Variants in ADGRB3 observed in about 807,000 individuals in gnomAD.
ADGRB3 encodes the protein brain-specific angiogenesis inhibitor 3.
Under a neutral mutation model 193.4 loss-of-function variants are expected in ADGRB3, and 37 were observed. The observed-to-expected ratio is 0.19, with a 90% confidence interval of 0.15 to 0.25. The LOEUF is 0.25. Ranked by LOEUF, ADGRB3 falls within the 10% of genes least tolerant of loss-of-function variation. ADGRB3 has a pLI of 1.00. For synonymous variants in ADGRB3, 690 were observed against 644.2 expected, an observed-to-expected ratio of 1.07 and a Z score of -1.08; for missense variants, 1,637 against 1,852.9, an observed-to-expected ratio of 0.88 and a Z score of 2.14.
chr6:69,011,207 G>A (rs890456628), intron 11 of ADGRB3, among the ~76,000 whole-genome samples: 1 of 151,146 alleles, frequency 6.6e-6, no homozygotes, highest in Non-Finnish European at 1.5e-5. Flanking sequence ...GTTAGAGCAA[G>A]GCCAGCTGAA....
At chr6:69,351,270 T>G (rs1769220653) in intron 26 of ADGRB3, among the ~76,000 whole-genome samples, 1 of 151,860 alleles carries the variant, frequency 6.6e-6, no homozygotes, top group Admixed American at 6.6e-5. Flanking sequence ...TTTTTGTATT[T>G]TTTTAGTAGA....
intron 17 of ADGRB3, among the ~76,000 whole-genome samples, chr6:69,113,439 T>G (rs536358586): frequency 6.6e-6 from 1 of 152,234 alleles, no homozygotes; most frequent in East Asian, 1.9e-4. Flanking sequence ...TTAATTTTTA[T>G]GTATTTTTAC....
intron 17 of ADGRB3, among the ~76,000 whole-genome samples, chr6:69,141,119 C>CTT (rs1391159036): frequency 0.012 from 1,454 of 116,706 alleles, 47 homozygotes; most frequent in East Asian, 0.1. Context: ...ATATTTCTTT[C>CTT]TTTTTTTTTG....
chr6:69,008,631 A>G (rs942783190), intron 11 of ADGRB3, among the ~76,000 whole-genome samples: 17 of 152,114 alleles, frequency 1.1e-4, no homozygotes, highest in African/African-American at 3.9e-4. Context: ...GTAGTGATGC[A>G]TAGGGAGAGT....
At chr6:68,641,055 G>A (rs1768072853) in intron 3 of ADGRB3, among the ~76,000 whole-genome samples, 1 of 152,148 alleles carries the variant, frequency 6.6e-6, no homozygotes, top group Admixed American at 6.5e-5. Context: ...CCTAGAATAA[G>A]AAGCTACAGT....
chr6:69,111,473 T>C (rs1773364477), intron 17 of ADGRB3, among the ~76,000 whole-genome samples: 1 of 152,232 alleles, frequency 6.6e-6, no homozygotes, highest in African/African-American at 2.4e-5. Flanking sequence ...CATTATTTTA[T>C]GACCTTAGGG....
intron 3 of ADGRB3, among the ~76,000 whole-genome samples, chr6:68,807,990 T>C (rs2140510): frequency 0.72 from 109,888 of 151,976 alleles, 40,197 homozygotes; most frequent in Middle Eastern, 0.87. Context: ...TTAATATCTT[T>C]TTACAATAAC....
At chr6:69,352,568 C>G (rs370178847) in intron 26 of ADGRB3, among the ~76,000 whole-genome samples, 10 of 152,160 alleles carry the variant, frequency 6.6e-5, no homozygotes, top group Non-Finnish European at 1.3e-4. Flanking sequence ...ATGGCCACAT[C>G]AGTAGGATTA....
At position 69,147,173 on chromosome 6, in the gene ADGRB3, T is replaced by C. The variant is rs375504929; in HGVS notation, c.2480+71135T>C. Among the ~76,000 whole-genome samples, 95 of 152,316 alleles carry C rather than the reference T, an allele frequency of 6.2e-4. 1 individual carries two copies. In the Middle Eastern group the frequency reaches 0.02, roughly 33 times the overall value. On this transcript the variant is annotated intron_variant, in intron 17 of 31. Transcript: ENST00000370598. ...CAGCTCTGATCTTTATTATTTCTTT[T>C]CTTCTACTAATTTTGGATTTGGTTT...
At chr6:68,821,198 C>G (rs192523129) in intron 3 of ADGRB3, among the ~76,000 whole-genome samples, 125 of 152,064 alleles carry the variant, frequency 8.2e-4, no homozygotes, top group African/African-American at 2.9e-3. Context: ...GAAGCTCTTA[C>G]TTCTTTGTTT....
intron 20 of ADGRB3, among the ~76,000 whole-genome samples, chr6:69,322,847 C>G (rs1209667877): frequency 1.3e-5 from 2 of 151,890 alleles, no homozygotes; most frequent in South Asian, 2.1e-4. Flanking sequence ...ATAGTTTATC[C>G]AGCTATTGTA....
At chr6:69,342,981 A>G (rs1318689206) in intron 26 of ADGRB3, among the ~76,000 whole-genome samples, 2 of 151,848 alleles carry the variant, frequency 1.3e-5, no homozygotes, top group African/African-American at 4.8e-5. Flanking sequence ...GACTGTCCCA[A>G]TATGAATTCA....
Position 68,638,862 on chromosome 6 carries a change from G to T in ADGRB3, c.187G>T (p.Asp63Tyr), listed in dbSNP as rs755030256. The T allele has an allele frequency of 6.2e-7, 1 of 1,614,104 alleles. No individual in the cohort carries two copies. Among genetic ancestry groups the T allele is most frequent in the Admixed American group, 1.7e-5 (1 of 60,018 alleles). Reference protein sequence around the residue: ...TNCTWTLENPDPTKYSIYLKF... With the variant: ...TNCTWTLENPYPTKYSIYLKF... Reference sequence around the variant, plus strand: ...CTGCACTTGGACGCTGGAAAATCCAGATCCAACCAAATATAGCATTTACCT... The same window carrying T: ...CTGCACTTGGACGCTGGAAAATCCATATCCAACCAAATATAGCATTTACCT... The change falls in exon 3 of 32, where the codon GAT becomes TAT. Residue 63 changes from aspartate to tyrosine, a missense_variant. This residue lies in a region of ADGRB3 where 365 missense variants were observed against 409.8 expected (regional missense o/e 0.89). Coordinates refer to ENST00000370598, the MANE Select transcript of ADGRB3 (RefSeq NM_001704.3).
rs934215719 is a variant in ADGRB3, at chr6:69,033,140, A to G, written c.2107+14641A>G. Among the ~76,000 whole-genome samples the G allele has an allele frequency of 3.9e-5, 6 of 152,312 alleles. No homozygotes were observed. The South Asian group carries it at 8.3e-4, about 21-fold the overall frequency. On this transcript the variant is annotated intron_variant, in intron 13 of 31. Transcript: ENST00000370598. The stretch of plus-strand genomic sequence containing the variant: ...GATCTCAGACTTCTAGGCAGATATT[A>G]TGACCAATCTAGAAAACAATATGTG...
intron 15 of ADGRB3, among the ~76,000 whole-genome samples, chr6:69,050,677 A>G (rs919163811): frequency 3.0e-4 from 46 of 152,308 alleles, no homozygotes; most frequent in African/African-American, 1.1e-3. Context: ...ATTCGTTTAT[A>G]TAAAGCTTAT....
chr6:68,853,751 A>G (rs761025475), intron 3 of ADGRB3, among the ~76,000 whole-genome samples: 1 of 152,154 alleles, frequency 6.6e-6, no homozygotes, highest in Non-Finnish European at 1.5e-5. Context: ...TTGCAAAAAA[A>G]AAGTAAAACC....
At chr6:68,719,842 T>C (rs1765546821) in intron 3 of ADGRB3, among the ~76,000 whole-genome samples, 1 of 151,616 alleles carries the variant, frequency 6.6e-6, no homozygotes, top group Non-Finnish European at 1.5e-5. Flanking sequence ...ACCCATTGCT[T>C]CACATAGAAA....
chr6:69,199,955 C>G (rs1008379654), intron 17 of ADGRB3, among the ~76,000 whole-genome samples: 1 of 151,768 alleles, frequency 6.6e-6, no homozygotes, highest in South Asian at 2.1e-4. Context: ...GTTTTTGAGC[C>G]ATTCAATGTT....
At chr6:69,367,943 A>G (rs1456364746) in intron 29 of ADGRB3, among the ~76,000 whole-genome samples, 3 of 142,900 alleles carry the variant, frequency 2.1e-5, no homozygotes, top group Non-Finnish European at 4.5e-5. Context: ...GGAATTGAAC[A>G]ATGAGATCAC....
Sources: allele counts gnomAD v4.1 joint callset (sites outside exome capture counted in the v4.1 genomes callset), GRCh38; gene constraint gnomAD v4.1.1; regional missense constraint gnomAD v4.1.1; transcripts MANE v1.5; gene names NCBI Gene and HGNC (gene_info 2026-07-23, HGNC 2026-07-21).